Variants in ABL2 observed in about 807,000 individuals in gnomAD.
ABL2 encodes ABL proto-oncogene 2, non-receptor tyrosine kinase.
In ABL2, 49 loss-of-function variants were observed where a neutral mutation model predicts 107.7. The ratio of observed to expected loss-of-function variants is 0.45; its 90% CI spans 0.36 to 0.58. The LOEUF is 0.58. Among genes scored for constraint, ABL2 ranks in the 20% least tolerant of loss-of-function variants. The probability of loss-of-function intolerance (pLI) is 0.00; values close to 1 mark genes in which losing one functional copy is unlikely to be tolerated. For missense variants in ABL2, 1,245 were observed against 1,457.0 expected, an observed-to-expected ratio of 0.85 and a Z score of 2.37; for synonymous variants, 549 against 548.6, an observed-to-expected ratio of 1.00 and a Z score of -0.01.
At chr1:179,224,157 A>AAC (rs1663059482) in intron 1 of ABL2, among the ~76,000 whole-genome samples, 1 of 150,078 alleles carries the variant, frequency 6.7e-6, no homozygotes, top group Non-Finnish European at 1.5e-5. Flanking sequence ...AAAAAAAAAA[A>AAC]ACTACAGATC....
chr1:179,193,193 A>T (rs1661114799), intron 1 of ABL2, among the ~76,000 whole-genome samples: 1 of 152,178 alleles, frequency 6.6e-6, no homozygotes, highest in Admixed American at 6.5e-5. Context: ...AAAAAAATAT[A>T]ATAATCTGTT....
At chr1:179,194,210 A>C (rs1434109443) in intron 1 of ABL2, among the ~76,000 whole-genome samples, 1 of 152,154 alleles carries the variant, frequency 6.6e-6, no homozygotes, top group African/African-American at 2.4e-5. Flanking sequence ...ATTTTTTTTG[A>C]CAAATACCAT....
chr1:179,186,641 TTCTTA>T (rs1660699513), intron 1 of ABL2, among the ~76,000 whole-genome samples: 1 of 151,728 alleles, frequency 6.6e-6, no homozygotes, highest in African/African-American at 2.4e-5. Flanking sequence ...CTCAACTTCT[TTCTTA>T]AACCTGACTG....
intron 2 of ABL2, among the ~76,000 whole-genome samples, chr1:179,132,451 A>C (rs572721779): frequency 4.6e-5 from 7 of 152,198 alleles, no homozygotes; most frequent in Non-Finnish European, 1.0e-4. Context: ...CCTGTCTACA[A>C]AGGCAAACTA....
At chr1:179,178,747 G>A (rs1486954507) in intron 1 of ABL2, among the ~76,000 whole-genome samples, 1 of 151,930 alleles carries the variant, frequency 6.6e-6, no homozygotes, top group East Asian at 1.9e-4. Context: ...AAAATTAGCT[G>A]AGTGTGGTGG....
At chr1:179,223,259 T>C (rs940566321) in intron 1 of ABL2, among the ~76,000 whole-genome samples, 1 of 149,726 alleles carries the variant, frequency 6.7e-6, no homozygotes, top group Non-Finnish European at 1.5e-5. Context: ...TACAGAAAAA[T>C]TTAAAAATTA....
intron 1 of ABL2, among the ~76,000 whole-genome samples, chr1:179,227,592 T>G (rs1663291769): frequency 6.6e-6 from 1 of 152,208 alleles, no homozygotes. Flanking sequence ...TAATGCATAG[T>G]AACACTTCCC....
chr1:179,158,276 T>C (rs558370089), intron 1 of ABL2, among the ~76,000 whole-genome samples: 2 of 152,332 alleles, frequency 1.3e-5, no homozygotes, highest in South Asian at 2.1e-4. Flanking sequence ...ATTTAGAAGA[T>C]AGAGAATGGG....
chr1:179,107,837 C>G lies in ABL2; in HGVS notation c.3430G>C (p.Glu1144Gln). 1 of 1,614,188 alleles carries G rather than the reference C, an allele frequency of 6.2e-7. No homozygotes were observed. The highest frequency in any genetic ancestry group is 1.1e-5 in the South Asian group (1 of 91,070). ...ACCTGTAGCTCCTGCAGGCTGAGTT[C>G]CAGTTTGCTCACAGCCTCTCGGAAG... ...FAFREAVSKL[E>Q]LSLQELQVSS... The change falls in exon 12 of 12, where the codon GAA becomes CAA. Residue 1144 changes from glutamate to glutamine, a missense_variant. Coordinates refer to ENST00000502732, the MANE Select transcript of ABL2 (RefSeq NM_007314.4).
intron 1 of ABL2, among the ~76,000 whole-genome samples, chr1:179,146,651 AT>A (rs1658005481): frequency 6.6e-6 from 1 of 151,886 alleles, no homozygotes; most frequent in Non-Finnish European, 1.5e-5. Flanking sequence ...TCATGGAGGC[AT>A]TTTCCCCCAT....
intron 1 of ABL2, among the ~76,000 whole-genome samples, chr1:179,150,394 A>G (rs1400000762): frequency 6.6e-6 from 1 of 152,216 alleles, no homozygotes; most frequent in South Asian, 2.1e-4. Flanking sequence ...AACACTAACA[A>G]GAGTTTGGAA....
intron 1 of ABL2, among the ~76,000 whole-genome samples, chr1:179,204,751 A>C (rs1661860307): frequency 6.6e-6 from 1 of 152,120 alleles, no homozygotes. Context: ...TGTCTCAAAA[A>C]GCAAAACAAA....
intron 1 of ABL2, among the ~76,000 whole-genome samples, chr1:179,190,033 T>G (rs1232258216): frequency 2.0e-5 from 3 of 152,132 alleles, no homozygotes; most frequent in Non-Finnish European, 4.4e-5. Flanking sequence ...TTGAGGCTGG[T>G]CTCGAACTCC....
At chr1:179,147,631 C>T (rs902255923) in intron 1 of ABL2, among the ~76,000 whole-genome samples, 14 of 152,164 alleles carry the variant, frequency 9.2e-5, no homozygotes, top group African/African-American at 3.1e-4. Context: ...GCCAAAAACC[C>T]TATGTTCTCA....
chr1:179,116,071 G>C (rs1654591557), intron 8 of ABL2, among the ~76,000 whole-genome samples: 1 of 152,064 alleles, frequency 6.6e-6, no homozygotes, highest in Admixed American at 6.5e-5. Context: ...CTCTGCAAAT[G>C]AGTGATAAAA....
At chr1:179,188,623 A>C (rs1571279814) in intron 1 of ABL2, among the ~76,000 whole-genome samples, 1 of 152,144 alleles carries the variant, frequency 6.6e-6, no homozygotes, top group Non-Finnish European at 1.5e-5. Flanking sequence ...TCCTACCACT[A>C]ATCACCACAT....
intron 1 of ABL2, among the ~76,000 whole-genome samples, chr1:179,195,696 G>C (rs1661270876): frequency 6.6e-6 from 1 of 151,972 alleles, no homozygotes; most frequent in African/African-American, 2.4e-5. Flanking sequence ...ATATCATTCA[G>C]CCCTTAAATA....
intron 1 of ABL2, among the ~76,000 whole-genome samples, chr1:179,226,310 CTTTTTTTTT>C (rs745831850): frequency 7.6e-6 from 1 of 131,006 alleles, no homozygotes; most frequent in Non-Finnish European, 1.6e-5. Context: ...ATTATCCCTA[CTTTTTTTTT>C]TTTTTTTTTT....
In ABL2 at chr1:179,105,166, A is replaced by C. The variant is rs1394592010; in HGVS notation, c.*2552T>G. 2 of 230,136 alleles carry C rather than the reference A, an allele frequency of 8.7e-6. No homozygotes were observed. The highest frequency in any genetic ancestry group is 1.2e-4 in the East Asian group (2 of 16,256). The allele number at this position is 230,136 out of a possible 1,614,324, so 14.3% of individuals were successfully genotyped here. ...TGCACCCACTGTAGGCAAGACAGCT[A>C]GGTGCTGCCCCTGAGTAAGACACAG... On this transcript the variant is annotated 3_prime_UTR_variant, in exon 12 of 12. Transcript: ENST00000502732.
Sources: allele counts gnomAD v4.1 joint callset (sites outside exome capture counted in the v4.1 genomes callset), GRCh38; gene constraint gnomAD v4.1.1; transcripts MANE v1.5; gene names NCBI Gene and HGNC (gene_info 2026-07-23, HGNC 2026-07-21).